Variants in PCDHGA7 observed in about 807,000 individuals in gnomAD.
PCDHGA7 encodes the protein protocadherin gamma-A7.
In PCDHGA7, 44 loss-of-function variants were observed where a neutral mutation model predicts 58.3. The ratio of observed to expected loss-of-function variants is 0.75; its 90% CI spans 0.59 to 0.97. The LOEUF (loss-of-function observed/expected upper bound fraction) is 0.97, where lower values mean the gene tolerates loss of function less well. Among genes scored for constraint, PCDHGA7 ranks in the 50% least tolerant of loss-of-function variants. The pLI is 0.00. For synonymous variants in PCDHGA7, 516 were observed against 504.2 expected (o/e 1.02, Z -0.31); for missense variants, 1,266 against 1,188.7 (o/e 1.06, Z -0.96).
chr5:141,497,626 G>T (rs1373764805), intron 2 of PCDHGA7, among the ~76,000 whole-genome samples: 3 of 149,502 alleles, frequency 2.0e-5, no homozygotes, highest in Non-Finnish European at 4.4e-5. Flanking sequence ...TGCAACCTCT[G>T]CCTGCCAGGT....
intron 1 of PCDHGA7, among the ~76,000 whole-genome samples, chr5:141,402,311 A>G (rs1174114133): frequency 1.3e-5 from 2 of 152,022 alleles, no homozygotes; most frequent in Non-Finnish European, 2.9e-5. Flanking sequence ...ATACAATTAT[A>G]TATTTTACAT....
rs1252361961 is a variant in PCDHGA7 at position 141,486,106 on chromosome 5, G to A, written c.2425-8701G>A. The A allele has an allele frequency of 2.5e-6, 4 of 1,614,190 alleles. No individual in the cohort carries two copies. The highest frequency in any genetic ancestry group is 1.1e-5 in the South Asian group (1 of 91,086). Reference sequence around the variant, plus strand: ...CTCTTTTGGGGCCCCTAGACTTTGAGAGTGAGAATTACTATGAATTTGATG... The same window carrying A: ...CTCTTTTGGGGCCCCTAGACTTTGAAAGTGAGAATTACTATGAATTTGATG... On this transcript the variant is annotated intron_variant, in intron 1 of 3. Transcript: ENST00000518325. The surrounding 1 kb of genome is among the most constrained non-coding windows in gnomAD (Gnocchi z 5.0).
intron 1 of PCDHGA7, among the ~76,000 whole-genome samples, chr5:141,438,621 TATATATATATATATAC>T (rs1472935962): frequency 0.016 from 652 of 41,356 alleles, 15 homozygotes; most frequent in East Asian, 0.15. Flanking sequence ...TATATATATA[TATATATATATATATAC>T]ACACACACAC....
intron 1 of PCDHGA7, chr5:141,387,677 C>A (rs1256771366): frequency 1.8e-5 from 13 of 740,970 alleles, no homozygotes; most frequent in South Asian, 4.0e-5. Context: ...GATCTCCTCG[C>A]GCAGCCGCAG....
chr5:141,432,395 G>C lies in PCDHGA7; in HGVS notation c.2424+47072G>C, dbSNP rs748660079. The C allele has an allele frequency of 1.2e-6, 2 of 1,614,242 alleles. No homozygotes were observed. The highest frequency in any genetic ancestry group is 4.5e-5 in the East Asian group (2 of 44,882). On this transcript the variant is annotated intron_variant, in intron 1 of 3. Coordinates refer to ENST00000518325, the MANE Select transcript of PCDHGA7 (RefSeq NM_018920.4). The surrounding 1 kb of genome is among the most constrained non-coding windows in gnomAD (Gnocchi z 6.0). The stretch of plus-strand genomic sequence containing the variant: ...CGGGCACCCGCCCCTCAGCAGCAAC[G>C]TGTCGTTGAGCCTGTTCGTGCTGGA...
intron 1 of PCDHGA7, chr5:141,418,622 G>A: frequency 2.5e-6 from 4 of 1,614,026 alleles, no homozygotes; most frequent in Non-Finnish European, 3.4e-6. Context: ...TCGGGAAGAC[G>A]TGCCTCCAGG....
intron 1 of PCDHGA7, chr5:141,419,367 C>T (rs1157934416): frequency 6.2e-7 from 1 of 1,613,652 alleles, no homozygotes; most frequent in Admixed American, 1.7e-5. Context: ...ACGCTGTCGT[C>T]CTACGTGTCC....
At chr5:141,405,420 T>A in intron 1 of PCDHGA7, 1 of 1,509,592 alleles carries the variant, frequency 6.6e-7, no homozygotes, top group Non-Finnish European at 9.0e-7. Flanking sequence ...TTTTTGTTTT[T>A]TGTTTTGTTT....
chr5:141,431,016 C>A lies in PCDHGA7; in HGVS notation c.2424+45693C>A, dbSNP rs755015257. 4 of 1,613,456 alleles carry A rather than the reference C, an allele frequency of 2.5e-6. No individual in the cohort carries two copies. Among genetic ancestry groups the A allele is most frequent in the East Asian group, 2.2e-5 (1 of 44,860 alleles). ...AATCCGCGCAGCGGCAGCTTGGTCA[C>A]GGCGGGCAGGATAGACCGGGAGGAG... is the stretch of plus-strand genomic sequence containing the variant. On this transcript the variant is annotated intron_variant, in intron 1 of 3. Coordinates refer to ENST00000518325, the MANE Select transcript of PCDHGA7 (RefSeq NM_018920.4). The surrounding 1 kb of genome is among the most constrained non-coding windows in gnomAD (Gnocchi z 4.8).
intron 1 of PCDHGA7, chr5:141,389,176 C>G (rs775758481): frequency 6.2e-7 from 1 of 1,614,064 alleles, no homozygotes; most frequent in South Asian, 1.1e-5. Flanking sequence ...CCTCCCCTCT[C>G]CTCCAGTTCC....
chr5:141,463,097 C>A (rs1333118215), intron 1 of PCDHGA7, among the ~76,000 whole-genome samples: 2 of 152,152 alleles, frequency 1.3e-5, no homozygotes, highest in East Asian at 3.8e-4. Context: ...CCCTATGTGA[C>A]CATCAAGAAT....
At chr5:141,500,618 C>A (rs554274946) in intron 2 of PCDHGA7, among the ~76,000 whole-genome samples, 27 of 152,260 alleles carry the variant, frequency 1.8e-4, no homozygotes, top group African/African-American at 6.5e-4. Context: ...CCCAGTCATA[C>A]GGTACATTTC....
Position 141,489,409 on chromosome 5 carries a change from A to T in PCDHGA7, c.2425-5398A>T. On this transcript the variant is annotated intron_variant, in intron 1 of 3. Transcript: ENST00000518325. The surrounding 1 kb of genome is among the most constrained non-coding windows in gnomAD (Gnocchi z 4.5). ...TGCTCAGGATCTGGGCTTAAAGATG[A>T]CAGATCTGTTGAGCCGGCGGCTGCA... 1.9e-6 allele frequency: 3 copies of T among 1,614,114 alleles called. No homozygotes were observed. The highest frequency in any genetic ancestry group is 2.5e-6 in the Non-Finnish European group (3 of 1,180,004).
chr5:141,397,047 G>A (rs180929307), intron 1 of PCDHGA7, among the ~76,000 whole-genome samples: 130 of 152,158 alleles, frequency 8.5e-4, no homozygotes, highest in African/African-American at 2.9e-3. Context: ...TTATGTAAAT[G>A]AACTTATGAG....
chr5:141,460,981 G>GTA (rs1491204135), intron 1 of PCDHGA7, among the ~76,000 whole-genome samples: 1,658 of 121,856 alleles, frequency 0.014, 27 homozygotes, highest in African/African-American at 0.051. Flanking sequence ...GTGTGTGTGT[G>GTA]TGTATATATA....
intron 1 of PCDHGA7, among the ~76,000 whole-genome samples, chr5:141,397,411 T>G (rs1464488353): frequency 6.6e-6 from 1 of 152,210 alleles, no homozygotes; most frequent in East Asian, 1.9e-4. Context: ...AAAATAGTTT[T>G]AAATAGTATA....
intron 2 of PCDHGA7, 119 bp from the exon 3 acceptor site, chr5:141,505,274 C>T: frequency 6.6e-7 from 1 of 1,524,344 alleles, no homozygotes; most frequent in East Asian, 2.3e-5. Flanking sequence ...CTGAGAGAAA[C>T]AGGTCTTGGG....
At chr5:141,405,978 T>G (rs1280230437) in intron 1 of PCDHGA7, among the ~76,000 whole-genome samples, 1 of 152,144 alleles carries the variant, frequency 6.6e-6, no homozygotes, top group Non-Finnish European at 1.5e-5. Context: ...TAAACCATAC[T>G]TCATGGGGTA....
chr5:141,384,709 C>G lies in PCDHGA7; in HGVS notation c.1810C>G (p.Leu604Val). Residue 604 changes from leucine to valine, a missense_variant, in exon 1 of 4, where the codon CTG becomes GTG. Coordinates refer to ENST00000518325, the MANE Select transcript of PCDHGA7 (RefSeq NM_018920.4). ...CAAAGATTCAGGCCAGAACGCCTGG[C>G]TGTCATACCTCCTGCTTAAGGCCAG... ...VDKDSGQNAWLSYLLLKASEP... is the reference protein window; with the variant it reads ...VDKDSGQNAWVSYLLLKASEP... The G allele has an allele frequency of 1.2e-6, 2 of 1,614,124 alleles. No individual in the cohort carries two copies. The highest frequency in any genetic ancestry group is 1.1e-5 in the South Asian group (1 of 91,086).
Sources: gnomAD v4.1 joint callset for allele counts (sites outside exome capture counted in the v4.1 genomes callset) on GRCh38, gnomAD v4.1.1 for gene constraint, Gnocchi (gnomAD v3.1) non-coding constraint, MANE v1.5 for transcripts, NCBI Gene and HGNC (gene_info 2026-07-23, HGNC 2026-07-21) for gene names.